Variants in TFEC observed in about 807,000 individuals in gnomAD.
The protein encoded by TFEC is transcription factor EC.
A neutral mutation model predicts 41.6 loss-of-function variants in TFEC; 31 were observed. The observed-to-expected ratio is 0.74, with a 90% CI of 0.56 to 1.01. The LOEUF (loss-of-function observed/expected upper bound fraction) is 1.01, where lower values mean the gene tolerates loss of function less well. Among genes scored for constraint, TFEC ranks in the 50% least tolerant of loss-of-function variants. The pLI is 0.00. For synonymous variants in TFEC, 143 were observed against 140.6 expected, an observed-to-expected ratio of 1.02 and a Z score of -0.12; for missense variants, 402 against 404.1, an observed-to-expected ratio of 0.99 and a Z score of 0.04.
intron 1 of TFEC, among the ~76,000 whole-genome samples, chr7:116,018,675 A>G (rs1795283313): frequency 2.0e-5 from 3 of 152,218 alleles, no homozygotes; most frequent in African/African-American, 4.8e-5. Flanking sequence ...GATTTTCCCA[A>G]TAAAGTCATA....
At chr7:116,080,682 C>G (rs765082372) in intron 3 of TFEC, among the ~76,000 whole-genome samples, 1 of 151,800 alleles carries the variant, frequency 6.6e-6, no homozygotes, top group Non-Finnish European at 1.5e-5. Context: ...ATCAAAAAAT[C>G]AAAAAATAAT....
intron 3 of TFEC, among the ~76,000 whole-genome samples, chr7:116,110,471 A>G (rs1446041099): frequency 6.6e-6 from 1 of 152,130 alleles, no homozygotes; most frequent in African/African-American, 2.4e-5. Flanking sequence ...GAAAGGGAAA[A>G]GTATGTACTT....
chr7:116,068,495 T>A (rs940766576), intron 3 of TFEC, among the ~76,000 whole-genome samples: 2 of 151,696 alleles, frequency 1.3e-5, no homozygotes, highest in Admixed American at 6.6e-5. Flanking sequence ...TTAAGCTAAG[T>A]CTCTGATGCT....
At chr7:116,141,274 T>G (rs1173839443) in intron 1 of TFEC, among the ~76,000 whole-genome samples, 1 of 152,180 alleles carries the variant, frequency 6.6e-6, no homozygotes, top group Non-Finnish European at 1.5e-5. Flanking sequence ...GAAAAGGAGC[T>G]GGAACAATTT....
chr7:115,942,956 G>T (rs1793579776), intron 6 of TFEC, among the ~76,000 whole-genome samples: 1 of 152,002 alleles, frequency 6.6e-6, no homozygotes, highest in African/African-American at 2.4e-5. Flanking sequence ...AGAGTCACGA[G>T]ATGTTTTTAA....
intron 3 of TFEC, among the ~76,000 whole-genome samples, chr7:116,090,367 G>A (rs1162188040): frequency 6.6e-6 from 1 of 152,106 alleles, no homozygotes; most frequent in African/African-American, 2.4e-5. Flanking sequence ...CTGGGCCCTT[G>A]AGCTCCTATG....
Position 116,027,232 on chromosome 7 carries a change from T to C in TFEC, c.-73+3401A>G, listed in dbSNP as rs566407501. 5.9e-5 allele frequency among the ~76,000 whole-genome samples: 9 copies of C among 152,206 alleles called. No individual in the cohort carries two copies. The East Asian group carries it at 1.4e-3, about 23-fold the overall frequency. On this transcript the variant is annotated intron_variant, in intron 1 of 7. Transcript: ENST00000265440. ...TGGGAGCGTGAGGAAAGATGCCGCA[T>C]AGAATGAGTGCTGCAAGTGGAAAAC...
chr7:116,144,870 C>A (rs1798611654), intron 1 of TFEC, among the ~76,000 whole-genome samples: 1 of 152,154 alleles, frequency 6.6e-6, no homozygotes. Flanking sequence ...AACATCAGTT[C>A]TTACCTGAAT....
chr7:116,156,381 ATC>A (rs1000256859), intron 1 of TFEC, among the ~76,000 whole-genome samples: 1 of 152,238 alleles, frequency 6.6e-6, no homozygotes, highest in Non-Finnish European at 1.5e-5. Context: ...AAGATAAAAA[ATC>A]TATTTTTTTA....
At position 116,013,766 on chromosome 7, in the gene TFEC, T is replaced by C. The variant is rs182104483; in HGVS notation, c.-73+16867A>G. The stretch of plus-strand genomic sequence containing the variant: ...AATGTGTTCTATATAAACAAACAAA[T>C]ATGAATCAACTGACCTCACTTTCTG... On this transcript the variant is annotated intron_variant, in intron 1 of 7. Transcript: ENST00000265440. Among the ~76,000 whole-genome samples, 143 of 152,254 alleles carry C rather than the reference T, an allele frequency of 9.4e-4. 1 individual carries two copies. Among genetic ancestry groups the C allele is most frequent in the African/African-American group, 3.3e-3 (136 of 41,574 alleles).
intron 6 of TFEC, among the ~76,000 whole-genome samples, chr7:115,944,465 G>A (rs900529439): frequency 6.6e-5 from 10 of 151,264 alleles, no homozygotes; most frequent in Non-Finnish European, 1.3e-4. Flanking sequence ...CAACCTGTAC[G>A]TCTCAATTAC....
intron 3 of TFEC, among the ~76,000 whole-genome samples, chr7:116,099,458 T>C (rs1051164987): frequency 6.6e-6 from 1 of 152,180 alleles, no homozygotes; most frequent in Admixed American, 6.5e-5. Context: ...ACTCTAGAGT[T>C]AGCCATGATG....
chr7:116,008,232 G>T (rs1178900053), intron 1 of TFEC, among the ~76,000 whole-genome samples: 2 of 152,060 alleles, frequency 1.3e-5, no homozygotes, highest in Non-Finnish European at 1.5e-5. Flanking sequence ...GCAAACATGG[G>T]TGCCTACCTA....
intron 1 of TFEC, among the ~76,000 whole-genome samples, chr7:115,989,151 C>T (rs1793989072): frequency 6.6e-6 from 1 of 152,112 alleles, no homozygotes; most frequent in Non-Finnish European, 1.5e-5. Context: ...GTCAAAAAGT[C>T]AGACCTACAT....
intron 1 of TFEC, among the ~76,000 whole-genome samples, chr7:116,026,782 C>T (rs1795600871): frequency 6.6e-6 from 1 of 152,158 alleles, no homozygotes; most frequent in Admixed American, 6.5e-5. Context: ...AATATGTCTA[C>T]AGAAAAATCT....
intron 3 of TFEC, among the ~76,000 whole-genome samples, chr7:116,068,635 G>T (rs1158835237): frequency 6.6e-6 from 1 of 151,500 alleles, no homozygotes; most frequent in Non-Finnish European, 1.5e-5. Context: ...TATTATCTAT[G>T]AAATAAAATA....
chr7:115,977,788 A>C (rs1023636556), intron 2 of TFEC, among the ~76,000 whole-genome samples: 6 of 152,048 alleles, frequency 3.9e-5, no homozygotes, highest in Non-Finnish European at 8.8e-5. Context: ...ACATAGATAA[A>C]TTCTATAAAT....
chr7:116,008,471 T>A (rs1794884175), intron 1 of TFEC, among the ~76,000 whole-genome samples: 1 of 152,176 alleles, frequency 6.6e-6, no homozygotes, highest in African/African-American at 2.4e-5. Context: ...ATACTAAGCT[T>A]GAATTTAATA....
chr7:116,140,664 A>G (rs1435096872), intron 1 of TFEC, among the ~76,000 whole-genome samples: 21 of 152,234 alleles, frequency 1.4e-4, no homozygotes, highest in African/African-American at 4.1e-4. Context: ...AGGAATATGA[A>G]TAACACATAC....
Sources: gnomAD v4.1 joint callset for allele counts (sites outside exome capture counted in the v4.1 genomes callset) on GRCh38, gnomAD v4.1.1 for gene constraint, MANE v1.5 for transcripts, NCBI Gene and HGNC (gene_info 2026-07-23, HGNC 2026-07-21) for gene names.